The following NFIB variants were observed in gnomAD, a reference collection of about 807,000 sequenced individuals.
The protein encoded by NFIB is nuclear factor 1 B-type.
NFIB carries 11 observed loss-of-function variants against 61.5 expected under a neutral mutation model. The ratio of observed to expected loss-of-function variants is 0.18; its 90% CI spans 0.11 to 0.30. The LOEUF (loss-of-function observed/expected upper bound fraction) is 0.30, where lower values mean the gene tolerates loss of function less well. Among genes scored for constraint, NFIB ranks in the 10% least tolerant of loss-of-function variants. NFIB has a pLI of 1.00. For synonymous variants in NFIB, 260 were observed against 216.5 expected (o/e 1.20, Z -1.76); for missense variants, 471 against 608.9 (o/e 0.77, Z 2.38).
intron 8 of NFIB, among the ~76,000 whole-genome samples, chr9:14,118,653 G>C (rs766102486): frequency 6.6e-6 from 1 of 151,986 alleles, no homozygotes; most frequent in Non-Finnish European, 1.5e-5. Context: ...ATAGAAAAGA[G>C]AGATGTCTTG....
chr9:14,462,831 C>G, the NFIB span, among the ~76,000 whole-genome samples: 1 of 152,186 alleles, frequency 6.6e-6, no homozygotes, highest in Non-Finnish European at 1.5e-5. Context: ...AAGGCCATAG[C>G]CAATCAGTTT....
At chr9:14,475,704 A>C in the NFIB span, among the ~76,000 whole-genome samples, 2 of 151,970 alleles carry the variant, frequency 1.3e-5, no homozygotes, top group African/African-American at 4.8e-5. Flanking sequence ...GGACCTACCA[A>C]CCCACCTGTC....
chr9:14,109,537 A>G (rs1217770544), intron 10 of NFIB, among the ~76,000 whole-genome samples: 1 of 152,130 alleles, frequency 6.6e-6, no homozygotes, highest in African/African-American at 2.4e-5. Flanking sequence ...ATCTTCCAAT[A>G]GAAAAGTTAA....
chr9:14,485,782 G>C, the NFIB span, among the ~76,000 whole-genome samples: 1 of 152,108 alleles, frequency 6.6e-6, no homozygotes, highest in Non-Finnish European at 1.5e-5. Context: ...GGCTGAGGCA[G>C]GAGAATCACT....
chr9:14,265,576 A>T (rs1188515842), intron 2 of NFIB, among the ~76,000 whole-genome samples: 2 of 152,168 alleles, frequency 1.3e-5, no homozygotes, highest in Admixed American at 1.3e-4. Context: ...GAGGAAATAA[A>T]TTTCTGTTGT....
chr9:14,345,231 T>G (rs1024768437), intron 1 of NFIB, among the ~76,000 whole-genome samples: 2 of 152,216 alleles, frequency 1.3e-5, no homozygotes, highest in Admixed American at 1.3e-4. Context: ...TTTAACTTTT[T>G]GTTCCCACGG....
intron 2 of NFIB, among the ~76,000 whole-genome samples, chr9:14,215,939 C>T (rs2131771549): frequency 6.6e-6 from 1 of 152,204 alleles, no homozygotes; most frequent in East Asian, 1.9e-4. Flanking sequence ...AACTGAATTG[C>T]TTTATGTAAA....
chr9:14,221,569 C>G (rs2051680646), intron 2 of NFIB, among the ~76,000 whole-genome samples: 1 of 152,186 alleles, frequency 6.6e-6, no homozygotes, highest in African/African-American at 2.4e-5. Context: ...CCACACTGCC[C>G]CTCAAGCTTA....
intron 8 of NFIB, among the ~76,000 whole-genome samples, chr9:14,118,742 T>A (rs2038508764): frequency 6.6e-6 from 1 of 151,340 alleles, no homozygotes; most frequent in Non-Finnish European, 1.5e-5. Flanking sequence ...ATCCTGAGAG[T>A]TTTTTTGTTG....
chr9:14,180,687 T>C (rs1350298197), intron 2 of NFIB: 1 of 152,218 alleles, frequency 6.6e-6, no homozygotes, highest in Non-Finnish European at 1.5e-5. Context: ...TCTTCTTTTA[T>C]TGGTTCTAGC....
At chr9:14,095,175 A>T (rs1025648394) in intron 10 of NFIB, among the ~76,000 whole-genome samples, 4 of 152,202 alleles carry the variant, frequency 2.6e-5, no homozygotes, top group Non-Finnish European at 4.4e-5. Flanking sequence ...CGGTTTAAAC[A>T]TAAATAAGAA....
chr9:14,091,112 T>G (rs2033828114), intron 10 of NFIB, among the ~76,000 whole-genome samples: 1 of 151,994 alleles, frequency 6.6e-6, no homozygotes, highest in Non-Finnish European at 1.5e-5. Flanking sequence ...CAATACTGTT[T>G]ATGAACCTTT....
chr9:14,087,651 C>T lies in NFIB; in HGVS notation c.*658G>A, dbSNP rs1309717809. Reference sequence around the variant, plus strand: ...ACACTGGAAAAGGCTGGGTTAAGGGCCGAAATTTAATAAATCTGTACTGAT... The same window carrying T: ...ACACTGGAAAAGGCTGGGTTAAGGGTCGAAATTTAATAAATCTGTACTGAT... On this transcript the variant is annotated 3_prime_UTR_variant, in exon 11 of 11. Transcript: ENST00000380953. 1.9e-5 allele frequency: 4 copies of T among 216,062 alleles called. No individual in the cohort carries two copies. In the East Asian group the frequency reaches 2.0e-4, roughly 11 times the overall value. 13.4% of individuals were successfully genotyped at this position (216,062 alleles called of 1,614,324 possible).
In NFIB at chr9:14,359,012, G is replaced by A. The variant is rs577903623; in HGVS notation, c.108+39512C>T. On this transcript the variant is annotated intron_variant, in intron 1 of 8. Coordinates refer to the NFIB transcript ENST00000380934. ...GGTAGTAGAAACACCGGATAATGGCGTGCTGCTATACATCTCTTCCCAATT... is the reference window on the plus strand; with the variant it reads ...GGTAGTAGAAACACCGGATAATGGCATGCTGCTATACATCTCTTCCCAATT... 1.3e-3 allele frequency among the ~76,000 whole-genome samples: 203 copies of A among 152,232 alleles called. 1 individual carries two copies. The highest frequency in any genetic ancestry group is 4.7e-3 in the African/African-American group (196 of 41,538).
intron 2 of NFIB, among the ~76,000 whole-genome samples, chr9:14,289,973 GCT>G (rs1563980044): frequency 2.0e-5 from 3 of 151,864 alleles, no homozygotes; most frequent in African/African-American, 7.2e-5. Flanking sequence ...AACACTCCCC[GCT>G]AGGCAACAGT....
intron 10 of NFIB, among the ~76,000 whole-genome samples, chr9:14,095,302 A>C (rs1216727445): frequency 6.6e-6 from 1 of 152,180 alleles, no homozygotes; most frequent in African/African-American, 2.4e-5. Context: ...ACTAATTATA[A>C]ATAAATTACA....
At chr9:14,193,725 A>G (rs1311031450) in intron 2 of NFIB, among the ~76,000 whole-genome samples, 1 of 152,230 alleles carries the variant, frequency 6.6e-6, no homozygotes, top group East Asian at 1.9e-4. Flanking sequence ...AACTCACAGT[A>G]CCAAAACTTT....
intron 2 of NFIB, among the ~76,000 whole-genome samples, chr9:14,240,256 T>C (rs879927155): frequency 2.1e-4 from 32 of 151,894 alleles, no homozygotes; most frequent in Admixed American, 2.0e-3. Flanking sequence ...TCTCCCTCTC[T>C]CCCTCTCTCT....
chr9:14,285,385 G>C (rs1306152099), intron 2 of NFIB, among the ~76,000 whole-genome samples: 1 of 152,196 alleles, frequency 6.6e-6, no homozygotes, highest in East Asian at 1.9e-4. Context: ...GCCTCCCAAA[G>C]TGCTGGGATT....
Sources: gnomAD v4.1 joint callset for allele counts (sites outside exome capture counted in the v4.1 genomes callset) on GRCh38, gnomAD v4.1.1 for gene constraint, MANE v1.5 for transcripts, NCBI Gene and HGNC (gene_info 2026-07-23, HGNC 2026-07-21) for gene names.